ANKUB1: variants seen among roughly 807,000 people sequenced by gnomAD.
ANKUB1 encodes the protein ankyrin repeat and ubiquitin domain containing 1, also known as protein ANKUB1.
In ANKUB1, 42 loss-of-function variants were observed where a neutral mutation model predicts 49.3. That is an observed-to-expected ratio of 0.85 (90% CI 0.67 to 1.10). The LOEUF (loss-of-function observed/expected upper bound fraction) is 1.10, where lower values mean the gene tolerates loss of function less well. Ranked by LOEUF, ANKUB1 falls within the 50% of genes least tolerant of loss-of-function variation. The pLI is 0.00. For synonymous variants in ANKUB1, 222 were observed against 231.0 expected, an observed-to-expected ratio of 0.96 and a Z score of 0.35; for missense variants, 613 against 642.0, an observed-to-expected ratio of 0.95 and a Z score of 0.49.
In ANKUB1 at chr3:149,780,296, G is replaced by C. The variant is rs1208970433; in HGVS notation, c.394C>G (p.Pro132Ala). Residue 132 changes from proline to alanine, a missense_variant, in exon 3 of 6, where the codon CCA (proline) becomes GCA (alanine). Physicochemically the swap from Pro to Ala is conservative, Grantham distance 27. Transcript: ENST00000446160. ...CAATCATACATCTCCAGGCCCCTTG[G>C]GGTTCGGAGACAGTAGACACTCACG... ...LPVSVYCLRTPRGLEMYDCNT... is the reference protein window; with the variant it reads ...LPVSVYCLRTARGLEMYDCNT... 1 of 1,551,580 alleles carries C rather than the reference G, an allele frequency of 6.4e-7. No individual in the cohort carries two copies. The highest frequency in any genetic ancestry group is 8.7e-7 in the Non-Finnish European group (1 of 1,147,002).
intron 3 of ANKUB1, chr3:149,779,661 A>T (rs1291066742): frequency 1.3e-5 from 2 of 154,442 alleles, no homozygotes; most frequent in Non-Finnish European, 2.9e-5. Context: ...ATCATATGCT[A>T]CCTTGCATTA....
At chr3:149,792,143 G>A (rs1718385016) in intron 1 of ANKUB1, 134 bp downstream of exon 1, 1 of 492,790 alleles carries the variant, frequency 2.0e-6, no homozygotes, top group Non-Finnish European at 3.3e-6. Flanking sequence ...GCAAATAATA[G>A]TATTTTCAAA....
At chr3:149,770,522 A>G (rs7630033) in intron 4 of ANKUB1, 38 bp downstream of exon 4, 433,965 of 1,418,584 alleles carry the variant, frequency 0.31, 72,356 homozygotes, top group African/African-American at 0.6. Flanking sequence ...TAAAAATCAC[A>G]GCACTTGCTA....
intron 3 of ANKUB1, among the ~76,000 whole-genome samples, chr3:149,771,167 C>T (rs1717343518): frequency 6.6e-6 from 1 of 152,210 alleles, no homozygotes; most frequent in African/African-American, 2.4e-5. Flanking sequence ...TAAAGTAATT[C>T]ACTGCTGCTG....
intron 5 of ANKUB1, among the ~76,000 whole-genome samples, chr3:149,762,405 T>C (rs1270050963): frequency 6.6e-6 from 1 of 152,224 alleles, no homozygotes; most frequent in Non-Finnish European, 1.5e-5. Flanking sequence ...TCGATTTTGC[T>C]ATCCTCACCA....
chr3:149,790,979 G>A, intron 1 of ANKUB1, 55 bp from the exon 2 acceptor site: 2 of 1,484,080 alleles, frequency 1.3e-6, no homozygotes, highest in Non-Finnish European at 1.8e-6. Flanking sequence ...TACTAGACCA[G>A]AAATGTACTC....
At chr3:149,769,134 G>T (rs1717210400) in intron 4 of ANKUB1, among the ~76,000 whole-genome samples, 2 of 152,094 alleles carry the variant, frequency 1.3e-5, no homozygotes, top group African/African-American at 4.8e-5. Flanking sequence ...TCACTTCACA[G>T]AGCCTCAGAC....
At chr3:149,767,106 A>G (rs1437009549) in intron 5 of ANKUB1, 51 bp downstream of exon 5, 1 of 1,430,368 alleles carries the variant, frequency 7.0e-7, no homozygotes. Context: ...CTTATCCTGG[A>G]CCTGCCTTAT....
chr3:149,787,191 C>T (rs1439213800), intron 2 of ANKUB1, among the ~76,000 whole-genome samples: 1 of 152,132 alleles, frequency 6.6e-6, no homozygotes, highest in Non-Finnish European at 1.5e-5. Context: ...AATATTGATT[C>T]TTCCTATCCA....
intron 5 of ANKUB1, among the ~76,000 whole-genome samples, chr3:149,766,388 T>A (rs1717013923): frequency 6.6e-6 from 1 of 152,222 alleles, no homozygotes; most frequent in Non-Finnish European, 1.5e-5. Flanking sequence ...CTATGACACT[T>A]TTTATGTCTC....
chr3:149,782,758 T>C (rs2108277038), intron 2 of ANKUB1, among the ~76,000 whole-genome samples: 1 of 152,326 alleles, frequency 6.6e-6, no homozygotes, highest in Non-Finnish European at 1.5e-5. Flanking sequence ...CAGGCTGGTC[T>C]GGACCCCCTG....
rs1472937646 is a variant in ANKUB1 at position 149,767,709 on chromosome 3, T to G, written c.953A>C (p.Gln318Pro). The G allele has an allele frequency of 1.3e-6, 2 of 1,551,682 alleles. No homozygotes were observed. Among genetic ancestry groups the G allele is most frequent in the Non-Finnish European group, 1.7e-6 (2 of 1,146,988 alleles). Residue 318 changes from glutamine to proline, a missense_variant, in exon 5 of 6, where the codon CAA (glutamine) becomes CCA (proline). Gln to Pro is a moderately conservative substitution (Grantham distance 76). Coordinates refer to ENST00000446160, the MANE Select transcript of ANKUB1 (RefSeq NM_001144960.3). ...GTGACTCTGAGCTCTGAGGATCCAT[T>G]GTTTTATTTTAATATAAATCCTCAT... The part of the protein sequence containing the change: ...VPMRIYIKIK[Q>P]WILRAQSHSL...
At position 149,776,448 on chromosome 3, in the gene ANKUB1, T is replaced by C. The variant is rs560756137; in HGVS notation, c.451+3791A>G. Among the ~76,000 whole-genome samples the C allele has an allele frequency of 1.3e-3, 201 of 152,216 alleles. 1 individual carries two copies. The highest frequency in any genetic ancestry group is 4.7e-3 in the African/African-American group (194 of 41,528). On this transcript the variant is annotated intron_variant, in intron 3 of 5. Coordinates refer to ENST00000446160, the MANE Select transcript of ANKUB1 (RefSeq NM_001144960.3). ...GATCAGTATCTGCTAACCCAAACCA[T>C]CACTCAAGCACTAGCACCATGTTTG...
intron 2 of ANKUB1, among the ~76,000 whole-genome samples, chr3:149,782,547 A>AT (rs1427322237): frequency 6.6e-6 from 1 of 152,096 alleles, no homozygotes; most frequent in Non-Finnish European, 1.5e-5. Context: ...GAACTGCAAA[A>AT]TATCTGGCAA....
rs1290759301 is a variant in ANKUB1 at position 149,761,113 on chromosome 3, T to G, written c.*371A>C. ...AAATTTTATTTATTTTTAAATATGT[T>G]CTACATTCATATGGCTTAAAAAACC... On this transcript the variant is annotated 3_prime_UTR_variant, in exon 6 of 6. Coordinates refer to ENST00000446160, the MANE Select transcript of ANKUB1 (RefSeq NM_001144960.3). 1.3e-5 allele frequency: 2 copies of G among 153,286 alleles called. No homozygotes were observed. The highest frequency in any genetic ancestry group is 2.1e-4 in the South Asian group (1 of 4,858). The allele number at this position is 153,286 out of a possible 1,614,324, so 9.5% of individuals were successfully genotyped here. A position where few individuals can be genotyped will look rare whatever the true frequency, so the allele number is the denominator to read the frequency against.
intron 2 of ANKUB1, among the ~76,000 whole-genome samples, chr3:149,788,623 A>G (rs2108282131): frequency 6.6e-6 from 1 of 152,276 alleles, no homozygotes; most frequent in Admixed American, 6.5e-5. Context: ...ACTTCAGGTA[A>G]AAGAGTTCAG....
In ANKUB1 at chr3:149,790,787, A is replaced by G; in HGVS notation, c.228T>C (p.Phe76=). The G allele has an allele frequency of 6.5e-7, 1 of 1,550,312 alleles. No homozygotes were observed. The highest frequency in any genetic ancestry group is 8.7e-7 in the Non-Finnish European group (1 of 1,146,560). ...GISFCSTLKC[F]VKEEDKPTLY... is the part of the protein sequence containing the mutation. ...ATTATCCTGACCATCATACCTTAAC[A>G]AAGCATTTGAGAGTTGAACAGAAAG... The change falls in exon 2 of 6, where the codon TTT becomes TTC. Residue 76 remains phenylalanine (F), a synonymous_variant. Coordinates refer to ENST00000446160, the MANE Select transcript of ANKUB1 (RefSeq NM_001144960.3).
intron 2 of ANKUB1, among the ~76,000 whole-genome samples, chr3:149,788,884 C>T (rs1718231544): frequency 6.6e-6 from 1 of 151,940 alleles, no homozygotes; most frequent in Admixed American, 6.6e-5. Flanking sequence ...TCAAGTGATT[C>T]TTTTCCTCAG....
chr3:149,774,608 C>T (rs1199499225), intron 3 of ANKUB1, among the ~76,000 whole-genome samples: 1 of 152,174 alleles, frequency 6.6e-6, no homozygotes, highest in Non-Finnish European at 1.5e-5. Flanking sequence ...ATTTAAATCT[C>T]CTTAACATTG....
Sources: gnomAD v4.1 joint callset for allele counts (sites outside exome capture counted in the v4.1 genomes callset) on GRCh38, gnomAD v4.1.1 for gene constraint, MANE v1.5 for transcripts, NCBI Gene and HGNC (gene_info 2026-07-23, HGNC 2026-07-21) for gene names.